The following PPM1B variants were observed in gnomAD, a reference collection of about 807,000 sequenced individuals.
PPM1B encodes the protein protein phosphatase, Mg2+/Mn2+ dependent 1B, also known as protein phosphatase 1B.
A neutral mutation model predicts 43.0 loss-of-function variants in PPM1B; 22 were observed. The observed-to-expected ratio is 0.51, with a 90% confidence interval of 0.37 to 0.73. PPM1B has a LOEUF of 0.73. Ranked by LOEUF, PPM1B falls within the 30% of genes least tolerant of loss-of-function variation. The pLI is 0.00. For missense variants in PPM1B, 632 were observed against 584.2 expected (o/e 1.08, Z -0.84); for synonymous variants, 217 against 197.9 (o/e 1.10, Z -0.81).
intron 2 of PPM1B, among the ~76,000 whole-genome samples, chr2:44,204,784 G>C (rs1169832077): frequency 6.7e-6 from 1 of 149,142 alleles, no homozygotes; most frequent in Non-Finnish European, 1.5e-5. Context: ...ACTTGAACCC[G>C]GGAGGCAGAG....
intron 1 of PPM1B, among the ~76,000 whole-genome samples, chr2:44,172,055 GAAT>G (rs1244902080): frequency 6.6e-5 from 10 of 152,016 alleles, no homozygotes; most frequent in African/African-American, 2.4e-4. Context: ...GGTGGCATCA[GAAT>G]AATAAAAGTT....
At chr2:44,204,115 C>G (rs765802247) in intron 2 of PPM1B, among the ~76,000 whole-genome samples, 2 of 152,126 alleles carry the variant, frequency 1.3e-5, no homozygotes, top group Non-Finnish European at 2.9e-5. Context: ...TCTAATGGAG[C>G]TGCATTCAAA....
intron 5 of PPM1B, among the ~76,000 whole-genome samples, chr2:44,219,694 A>G (rs1669883248): frequency 6.6e-6 from 1 of 152,132 alleles, no homozygotes; most frequent in Admixed American, 6.5e-5. Flanking sequence ...CTGTAATCCC[A>G]GCAGTTTGGG....
At chr2:44,199,176 T>G (rs962071797) in intron 1 of PPM1B, among the ~76,000 whole-genome samples, 1 of 150,494 alleles carries the variant, frequency 6.6e-6, no homozygotes, top group Non-Finnish European at 1.5e-5. Flanking sequence ...GAGAGTGGTG[T>G]GAACCTGGGA....
intron 1 of PPM1B, among the ~76,000 whole-genome samples, chr2:44,169,610 A>AC (rs1326464906): frequency 1.3e-5 from 2 of 152,242 alleles, no homozygotes; most frequent in Non-Finnish European, 2.9e-5. Context: ...ACACGAAAGC[A>AC]CTGGGGCTAC....
intron 5 of PPM1B, among the ~76,000 whole-genome samples, chr2:44,240,512 T>C (rs1670721732): frequency 6.8e-6 from 1 of 146,166 alleles, no homozygotes; most frequent in Non-Finnish European, 1.5e-5. Flanking sequence ...TTAAAATGTT[T>C]ATATTATGTT....
At chr2:44,187,935 A>G (rs1668203878) in intron 1 of PPM1B, among the ~76,000 whole-genome samples, 1 of 152,066 alleles carries the variant, frequency 6.6e-6, no homozygotes, top group Admixed American at 6.6e-5. Flanking sequence ...TATTTTTATT[A>G]GAGACGGGGT....
At chr2:44,178,333 G>A (rs1364483512) in intron 1 of PPM1B, among the ~76,000 whole-genome samples, 1 of 151,456 alleles carries the variant, frequency 6.6e-6, no homozygotes, top group Non-Finnish European at 1.5e-5. Flanking sequence ...TTTCTCTAGG[G>A]AGTAAAATGG....
chr2:44,234,849 T>C (rs1670568894), downstream of PPM1B, among the ~76,000 whole-genome samples: 3 of 152,192 alleles, frequency 2.0e-5, no homozygotes, highest in African/African-American at 7.2e-5. Flanking sequence ...TTATGAAAAA[T>C]AATTGTCTTA....
At chr2:44,180,959 G>T (rs1667845844) in intron 1 of PPM1B, among the ~76,000 whole-genome samples, 1 of 151,990 alleles carries the variant, frequency 6.6e-6, no homozygotes, top group South Asian at 2.1e-4. Context: ...GAAGTGTTTT[G>T]TTTTGTTTTG....
intron 1 of PPM1B, among the ~76,000 whole-genome samples, chr2:44,187,812 C>T (rs893838615): frequency 2.0e-5 from 3 of 151,894 alleles, no homozygotes; most frequent in Non-Finnish European, 4.4e-5. Flanking sequence ...TGCAGTGGTG[C>T]GATCTTGGCT....
chr2:44,174,429 C>G (rs975021648), intron 1 of PPM1B, among the ~76,000 whole-genome samples: 1 of 152,156 alleles, frequency 6.6e-6, no homozygotes, highest in Non-Finnish European at 1.5e-5. Flanking sequence ...AGACTTGTCT[C>G]TAGGATTGCT....
downstream of PPM1B, chr2:44,233,093 AT>A: frequency 1.0e-6 from 1 of 980,974 alleles, no homozygotes; most frequent in Non-Finnish European, 1.2e-6. Context: ...ACTGTTGGAA[AT>A]TTTTTAAAGA....
At chr2:44,194,784 T>G (rs1157111486) in intron 1 of PPM1B, among the ~76,000 whole-genome samples, 9 of 152,164 alleles carry the variant, frequency 5.9e-5, no homozygotes, top group Non-Finnish European at 1.3e-4. Flanking sequence ...AATTTATAGT[T>G]TATATCACTG....
At chr2:44,233,981 C>T, downstream of PPM1B, 10 of 985,138 alleles carry the variant, frequency 1.0e-5, no homozygotes, top group Non-Finnish European at 1.2e-5. Flanking sequence ...GATAGTACTT[C>T]CCAGTATGAT....
At chr2:44,198,068 A>G (rs1038572650) in intron 1 of PPM1B, among the ~76,000 whole-genome samples, 6 of 152,168 alleles carry the variant, frequency 3.9e-5, no homozygotes, top group Non-Finnish European at 8.8e-5. Flanking sequence ...ACGCTTGCCA[A>G]TGTCCATGTG....
chr2:44,205,734 A>AT (rs1669160503), intron 2 of PPM1B, among the ~76,000 whole-genome samples: 1 of 152,068 alleles, frequency 6.6e-6, no homozygotes, highest in African/African-American at 2.4e-5. Flanking sequence ...TTAAAACATT[A>AT]TTTGATTTTC....
At chr2:44,192,650 C>G (rs1416414168) in intron 1 of PPM1B, among the ~76,000 whole-genome samples, 1 of 152,082 alleles carries the variant, frequency 6.6e-6, no homozygotes, top group Non-Finnish European at 1.5e-5. Flanking sequence ...TATCTATCAC[C>G]TTACATAATT....
In PPM1B at chr2:44,201,492, C is replaced by T; in HGVS notation, c.293C>T (p.Ser98Leu). Reference sequence around the variant, plus strand: ...AAATCAGGATCTGCTCTTGAGCTTTCAGTGGAAAATGTTAAGAATGGTATC... The same window carrying T: ...AAATCAGGATCTGCTCTTGAGCTTTTAGTGGAAAATGTTAAGAATGGTATC... ...AGKSGSALELSVENVKNGIRT... is the reference protein window; with the variant it reads ...AGKSGSALELLVENVKNGIRT... Residue 98 changes from serine to leucine, a missense_variant, in exon 2 of 6, where the codon TCA becomes TTA. Transcript: ENST00000282412. This position sits in a 1 kb window ranked among gnomAD's most constrained non-coding sequence, Gnocchi z 5.4. The T allele has an allele frequency of 1.2e-6, 2 of 1,614,136 alleles. No homozygotes were observed. Among genetic ancestry groups the T allele is most frequent in the Non-Finnish European group, 1.7e-6 (2 of 1,180,000 alleles).
Sources: gnomAD v4.1 joint callset for allele counts (sites outside exome capture counted in the v4.1 genomes callset) on GRCh38, gnomAD v4.1.1 for gene constraint, Gnocchi (gnomAD v3.1) non-coding constraint, MANE v1.5 for transcripts, NCBI Gene and HGNC (gene_info 2026-07-23, HGNC 2026-07-21) for gene names.